GPC5: variants seen among roughly 807,000 people sequenced by gnomAD.
The protein encoded by GPC5 is glypican 5, also known as glypican-5.
Under a neutral mutation model 53.9 loss-of-function variants are expected in GPC5, and 47 were observed. The observed-to-expected ratio is 0.87, with a 90% CI of 0.69 to 1.11. The LOEUF is 1.11. GPC5 is among the 50% of genes most tolerant of loss of function. The pLI, the probability that GPC5 is intolerant of heterozygous loss-of-function variation, is 0.00. For synonymous variants in GPC5, 286 were observed against 263.3 expected (o/e 1.09, Z -0.84); for missense variants, 748 against 713.1 (o/e 1.05, Z -0.56).
chr13:92,794,414 C>T (rs1341872570), intron 7 of GPC5, among the ~76,000 whole-genome samples: 1 of 152,084 alleles, frequency 6.6e-6, no homozygotes, highest in Non-Finnish European at 1.5e-5. Flanking sequence ...ATGACAAACC[C>T]ACAGCCAGTA....
chr13:91,770,565 G>C (rs2138693750), intron 5 of GPC5, among the ~76,000 whole-genome samples: 2 of 152,234 alleles, frequency 1.3e-5, no homozygotes, highest in South Asian at 4.1e-4. Context: ...TTAGATGCTT[G>C]CTCCTATCAC....
At chr13:92,511,192 A>T (rs1201689026) in intron 7 of GPC5, among the ~76,000 whole-genome samples, 1 of 152,098 alleles carries the variant, frequency 6.6e-6, no homozygotes, top group African/African-American at 2.4e-5. Context: ...TATTTTAATT[A>T]TTCTGGCTTT....
intron 7 of GPC5, among the ~76,000 whole-genome samples, chr13:92,764,894 G>A (rs1213019437): frequency 2.0e-5 from 3 of 151,924 alleles, no homozygotes; most frequent in African/African-American, 7.3e-5. Context: ...TACAATGGAT[G>A]AGCTAATTTC....
intron 5 of GPC5, among the ~76,000 whole-genome samples, chr13:91,821,736 T>A (rs2038499002): frequency 6.6e-6 from 1 of 152,180 alleles, no homozygotes; most frequent in South Asian, 2.1e-4. Context: ...ATTATATTAA[T>A]GGATGCTAAC....
chr13:91,731,957 A>G (rs2036708646), intron 4 of GPC5, among the ~76,000 whole-genome samples: 1 of 152,104 alleles, frequency 6.6e-6, no homozygotes, highest in Non-Finnish European at 1.5e-5. Context: ...TATTGATTCC[A>G]TGTATTTGCT....
rs117056562 is a variant in GPC5 at position 92,749,209 on chromosome 13, A to T, written c.1562-117073A>T. On this transcript the variant is annotated intron_variant, in intron 7 of 7. Transcript: ENST00000377067. ...AGCTTATTTAGACGAAATAGGTAAA[A>T]TCCAAACAAATTTGGCAGAGTTTGC... Among the ~76,000 whole-genome samples, 1,401 of 152,310 alleles carry T rather than the reference A, an allele frequency of 9.2e-3. 15 individuals carry two copies. Among genetic ancestry groups the T allele is most frequent in the Non-Finnish European group, 0.014 (973 of 68,008 alleles).
chr13:91,999,176 A>G (rs932634060), intron 6 of GPC5, among the ~76,000 whole-genome samples: 1 of 149,932 alleles, frequency 6.7e-6, no homozygotes, highest in Non-Finnish European at 1.5e-5. Flanking sequence ...TTTATGAAGA[A>G]TTCTATCTTC....
intron 1 of GPC5, 37 bp downstream of exon 1, chr13:91,399,246 T>A: frequency 6.3e-7 from 1 of 1,595,654 alleles, no homozygotes; most frequent in Non-Finnish European, 8.5e-7. Flanking sequence ...ACTGGCGGCG[T>A]CCGAGCCCGG....
At chr13:91,894,671 A>C (rs61966376) in intron 5 of GPC5, among the ~76,000 whole-genome samples, 3 of 152,044 alleles carry the variant, frequency 2.0e-5, no homozygotes, top group African/African-American at 7.3e-5. Context: ...GTCATTCTGC[A>C]CCCACCATTT....
At chr13:92,774,893 TA>T (rs1285909513) in intron 7 of GPC5, among the ~76,000 whole-genome samples, 1 of 152,136 alleles carries the variant, frequency 6.6e-6, no homozygotes, top group East Asian at 1.9e-4. Flanking sequence ...TTTAACATAC[TA>T]AAAAAAGATT....
intron 7 of GPC5, among the ~76,000 whole-genome samples, chr13:92,199,180 T>G (rs536820276): frequency 6.6e-6 from 1 of 152,340 alleles, no homozygotes; most frequent in Admixed American, 6.5e-5. Flanking sequence ...CTGTAAAACA[T>G]GCATATGTGA....
intron 7 of GPC5, among the ~76,000 whole-genome samples, chr13:92,522,167 G>C (rs409255): frequency 0.57 from 86,332 of 151,384 alleles, 25,251 homozygotes; most frequent in East Asian, 0.75. Flanking sequence ...TATACTGTTG[G>C]TGGGACTGTA....
At chr13:91,613,734 A>G (rs1451585319) in intron 2 of GPC5, among the ~76,000 whole-genome samples, 1 of 152,190 alleles carries the variant, frequency 6.6e-6, no homozygotes, top group African/African-American at 2.4e-5. Context: ...ACATTGAAAT[A>G]TCTTGTAGGT....
chr13:91,549,889 C>A (rs2030525410), intron 2 of GPC5, among the ~76,000 whole-genome samples: 1 of 152,114 alleles, frequency 6.6e-6, no homozygotes. Flanking sequence ...CACTATCCAG[C>A]AGTCATACTC....
chr13:91,502,126 T>C (rs1009996795), intron 2 of GPC5, among the ~76,000 whole-genome samples: 1 of 152,176 alleles, frequency 6.6e-6, no homozygotes, highest in Non-Finnish European at 1.5e-5. Context: ...TTTGAGTTCA[T>C]TGTAGATTCT....
intron 7 of GPC5, among the ~76,000 whole-genome samples, chr13:92,392,777 G>A (rs1001605544): frequency 6.6e-6 from 1 of 152,126 alleles, no homozygotes; most frequent in Non-Finnish European, 1.5e-5. Context: ...CATACATGTG[G>A]CCAACAAGCA....
At chr13:92,143,726 A>C (rs1349714196) in intron 6 of GPC5, among the ~76,000 whole-genome samples, 1 of 152,150 alleles carries the variant, frequency 6.6e-6, no homozygotes, top group Non-Finnish European at 1.5e-5. Context: ...TACTTAATCT[A>C]AGTGTTTGTA....
intron 7 of GPC5, among the ~76,000 whole-genome samples, chr13:92,202,023 A>G (rs931410318): frequency 6.6e-6 from 1 of 152,220 alleles, no homozygotes; most frequent in Non-Finnish European, 1.5e-5. Context: ...AGGAAAGTCA[A>G]TTAAATACTT....
At chr13:91,972,183 G>A (rs2040249222) in intron 6 of GPC5, among the ~76,000 whole-genome samples, 1 of 152,158 alleles carries the variant, frequency 6.6e-6, no homozygotes, top group Admixed American at 6.5e-5. Flanking sequence ...AGGATAGTTA[G>A]CTCTTCTTGT....
Sources: allele counts gnomAD v4.1 joint callset (sites outside exome capture counted in the v4.1 genomes callset), GRCh38; gene constraint gnomAD v4.1.1; transcripts MANE v1.5; gene names NCBI Gene and HGNC (gene_info 2026-07-23, HGNC 2026-07-21).